SPAG16: variants seen among roughly 807,000 people sequenced by gnomAD.
SPAG16 encodes sperm associated antigen 16.
SPAG16 carries 86 observed loss-of-function variants against 80.4 expected under a neutral mutation model. That is an observed-to-expected ratio of 1.07 (90% CI 0.90 to 1.28). The LOEUF is 1.28. Among genes scored for constraint, SPAG16 ranks in the 50% most tolerant of loss-of-function variants. The pLI is 0.00. For missense variants in SPAG16, 870 were observed against 765.3 expected (o/e 1.14, Z -1.61); for synonymous variants, 294 against 265.9 (o/e 1.11, Z -1.03).
chr2:213,398,064 CTCTCACA>C (rs1456937787), intron 9 of SPAG16, among the ~76,000 whole-genome samples: 3 of 152,132 alleles, frequency 2.0e-5, no homozygotes, highest in South Asian at 4.2e-4. Flanking sequence ...ACGTCTCTCT[CTCTCACA>C]TCTCACATCT....
At chr2:213,748,483 TTAA>T (rs1398992422) in intron 10 of SPAG16, among the ~76,000 whole-genome samples, 13 of 152,090 alleles carry the variant, frequency 8.5e-5, no homozygotes, top group African/African-American at 2.9e-4. Context: ...GAAGAAATAA[TTAA>T]TAAGTTTTAT....
At chr2:214,338,080 A>G (rs952963222) in intron 15 of SPAG16, among the ~76,000 whole-genome samples, 5 of 152,254 alleles carry the variant, frequency 3.3e-5, no homozygotes, top group African/African-American at 1.2e-4. Flanking sequence ...GGTGAAACCC[A>G]AAGTTAGCTA....
Position 213,461,419 on chromosome 2 carries a change from C to T in SPAG16, c.943-28544C>T, listed in dbSNP as rs571446912. On this transcript the variant is annotated intron_variant, in intron 9 of 15. Coordinates refer to ENST00000331683, the MANE Select transcript of SPAG16 (RefSeq NM_024532.5). ...ATCCAGTGGATAGCGGAGTGCCATTCGATGGTAATACATAGATGAATGATG... is the reference window on the plus strand; with the variant it reads ...ATCCAGTGGATAGCGGAGTGCCATTTGATGGTAATACATAGATGAATGATG... Among the ~76,000 whole-genome samples, 9 of 152,104 alleles carry T rather than the reference C, an allele frequency of 5.9e-5. No homozygotes were observed. The East Asian group carries it at 7.7e-4, about 13-fold the overall frequency.
At chr2:214,006,944 TC>T (rs893665649) in intron 12 of SPAG16, among the ~76,000 whole-genome samples, 2 of 151,908 alleles carry the variant, frequency 1.3e-5, no homozygotes, top group African/African-American at 2.4e-5. Context: ...AATTGCTCCT[TC>T]CCCCCCACCA....
intron 10 of SPAG16, among the ~76,000 whole-genome samples, chr2:213,523,128 C>G (rs546120735): frequency 6.6e-6 from 1 of 152,222 alleles, no homozygotes; most frequent in South Asian, 2.1e-4. Context: ...GGGAGGGACC[C>G]AGTGGGAGGT....
At chr2:214,330,774 A>G (rs1463789565) in intron 15 of SPAG16, among the ~76,000 whole-genome samples, 1 of 152,184 alleles carries the variant, frequency 6.6e-6, no homozygotes. Context: ...GGCCAAAAGG[A>G]GCCAACACTT....
At chr2:213,672,198 C>T (rs4673752) in intron 10 of SPAG16, among the ~76,000 whole-genome samples, 2 of 151,664 alleles carry the variant, frequency 1.3e-5, no homozygotes, top group African/African-American at 2.4e-5. Context: ...ATTTCCTTTT[C>T]TGTCTTTCCT....
At chr2:213,695,746 C>T (rs763054122) in intron 10 of SPAG16, among the ~76,000 whole-genome samples, 1 of 152,094 alleles carries the variant, frequency 6.6e-6, no homozygotes, top group Non-Finnish European at 1.5e-5. Flanking sequence ...GCACATGCAT[C>T]CTAACTTGGG....
At chr2:214,198,065 A>G (rs1415914284) in intron 15 of SPAG16, among the ~76,000 whole-genome samples, 2 of 152,042 alleles carry the variant, frequency 1.3e-5, no homozygotes, top group Non-Finnish European at 2.9e-5. Context: ...CAAACATGGT[A>G]GCAGAATTGA....
chr2:214,329,653 G>GA (rs1559217260), intron 15 of SPAG16, among the ~76,000 whole-genome samples: 1 of 152,218 alleles, frequency 6.6e-6, no homozygotes, highest in East Asian at 1.9e-4. Flanking sequence ...AAGCTAGTTA[G>GA]AAAAAAAGAT....
chr2:213,937,955 G>A (rs1221652781), intron 12 of SPAG16, among the ~76,000 whole-genome samples: 1 of 151,862 alleles, frequency 6.6e-6, no homozygotes, highest in Non-Finnish European at 1.5e-5. Flanking sequence ...CACAGCAAAT[G>A]CTATTACATA....
rs550763842 is a variant in SPAG16, at chr2:213,502,461, T to TA, written c.1070+12376dup. On this transcript the variant is annotated intron_variant, in intron 10 of 15. Coordinates refer to ENST00000331683, the MANE Select transcript of SPAG16 (RefSeq NM_024532.5). Reference sequence around the variant, plus strand: ...TTATACAAGGAACCACATTTATAAATAAAAATATTTTATTTTTTATTTGTT... The same window carrying TA: ...TTATACAAGGAACCACATTTATAAATAAAAAATATTTTATTTTTTATTTGTT... 4.5e-4 allele frequency among the ~76,000 whole-genome samples: 69 copies of TA among 152,252 alleles called. 3 individuals carry two copies. In the East Asian group the frequency reaches 7.5e-3, roughly 17 times the overall value.
At chr2:213,724,419 A>G (rs2066661880) in intron 10 of SPAG16, among the ~76,000 whole-genome samples, 1 of 152,170 alleles carries the variant, frequency 6.6e-6, no homozygotes, top group Non-Finnish European at 1.5e-5. Context: ...GAGGGAGACA[A>G]TATTTAAAAT....
intron 14 of SPAG16, among the ~76,000 whole-genome samples, chr2:214,114,798 C>T (rs2053852219): frequency 6.6e-6 from 1 of 152,184 alleles, no homozygotes; most frequent in Admixed American, 6.5e-5. Flanking sequence ...TCGGGTGGCC[C>T]TCTGTGGGCT....
intron 15 of SPAG16, among the ~76,000 whole-genome samples, chr2:214,217,367 G>C (rs1055064231): frequency 6.6e-6 from 1 of 152,184 alleles, no homozygotes; most frequent in South Asian, 2.1e-4. Flanking sequence ...AAGCAAGGGA[G>C]AAAAGAAAGG....
chr2:213,553,811 C>G (rs922578011), intron 10 of SPAG16, among the ~76,000 whole-genome samples: 1 of 152,176 alleles, frequency 6.6e-6, no homozygotes, highest in Non-Finnish European at 1.5e-5. Flanking sequence ...AGCTCAGCTA[C>G]TCTATAAAGA....
chr2:213,555,589 A>G (rs1246609005), intron 10 of SPAG16, among the ~76,000 whole-genome samples: 1 of 152,218 alleles, frequency 6.6e-6, no homozygotes, highest in African/African-American at 2.4e-5. Context: ...TCTTCATATC[A>G]GTGTAAGAAC....
At chr2:213,805,428 G>C (rs2071706059) in intron 10 of SPAG16, among the ~76,000 whole-genome samples, 1 of 152,218 alleles carries the variant, frequency 6.6e-6, no homozygotes, top group South Asian at 2.1e-4. Context: ...CATGGCAACT[G>C]TCTTCAAATA....
At chr2:214,258,118 T>G (rs1424921964) in intron 15 of SPAG16, among the ~76,000 whole-genome samples, 1 of 152,046 alleles carries the variant, frequency 6.6e-6, no homozygotes. Context: ...TTCAGTAGGT[T>G]TGGGAGAACA....
Sources: gnomAD v4.1 joint callset for allele counts (sites outside exome capture counted in the v4.1 genomes callset) on GRCh38, gnomAD v4.1.1 for gene constraint, MANE v1.5 for transcripts, NCBI Gene and HGNC (gene_info 2026-07-23, HGNC 2026-07-21) for gene names.